The following LRP2 variants were observed in gnomAD, a reference collection of about 807,000 sequenced individuals.
LRP2 encodes LDL receptor related protein 2, also known as low-density lipoprotein receptor-related protein 2.
LRP2 carries 172 observed loss-of-function variants against 531.0 expected under a neutral mutation model. That is an observed-to-expected ratio of 0.32 (90% CI 0.29 to 0.37). The LOEUF (loss-of-function observed/expected upper bound fraction) is 0.37, where lower values mean the gene tolerates loss of function less well. Among genes scored for constraint, LRP2 ranks in the 10% least tolerant of loss-of-function variants. LRP2 has a pLI of 1.00. For missense variants in LRP2, 5,167 were observed against 5,868.3 expected, an observed-to-expected ratio of 0.88 and a Z score of 3.90; for synonymous variants, 1,992 against 2,027.6, an observed-to-expected ratio of 0.98 and a Z score of 0.47.
At position 169,138,632 on chromosome 2, in the gene LRP2, T is replaced by G. The variant is rs772528471; in HGVS notation, c.13463A>C (p.Asp4488Ala). The change falls in exon 75 of 79, where the codon GAT becomes GCT. Residue 4488 changes from aspartate to alanine, a missense_variant. Around this residue, in one of 6 missense-constraint regions of LRP2, gnomAD observed 348 missense variants for 369.3 expected, o/e 0.94. Coordinates refer to ENST00000649046, the MANE Select transcript of LRP2 (RefSeq NM_004525.3). ...AGGTCCAAAACCAGACACTCCAATA[T>G]CCATGTTAAGATCTGCCCCTGATCT... ...TFRSGADLNM[D>A]IGVSGFGPET... is the part of the protein sequence containing the mutation. The G allele has an allele frequency of 6.2e-7, 1 of 1,613,994 alleles. No homozygotes were observed. The highest frequency in any genetic ancestry group is 8.5e-7 in the Non-Finnish European group (1 of 1,179,930).
chr2:169,180,786 A>G (rs1368954069), intron 52 of LRP2, among the ~76,000 whole-genome samples: 2 of 152,252 alleles, frequency 1.3e-5, no homozygotes, highest in Non-Finnish European at 2.9e-5. Context: ...AGAAGACAAT[A>G]CTATGGTCCA....
intron 7 of LRP2, 101 bp from the exon 8 acceptor site, chr2:169,291,098 G>C: frequency 9.9e-7 from 1 of 1,014,558 alleles, no homozygotes; most frequent in Non-Finnish European, 1.5e-6. Flanking sequence ...TTGAACAAGA[G>C]AAATCTATAA....
rs140848100 is a variant in LRP2, at chr2:169,284,935, C to T, written c.1043-1934G>A. On this transcript the variant is annotated intron_variant, in intron 9 of 78. Coordinates refer to ENST00000649046, the MANE Select transcript of LRP2 (RefSeq NM_004525.3). ...AGTTCTGATGTCAAACAGAAGGAAACCAAAGGTGGAGAAGTCATAACTAGG... is the reference window on the plus strand; with the variant it reads ...AGTTCTGATGTCAAACAGAAGGAAATCAAAGGTGGAGAAGTCATAACTAGG... Among the ~76,000 whole-genome samples the T allele has an allele frequency of 5.9e-5, 9 of 152,260 alleles. No homozygotes were observed. The East Asian group carries it at 1.5e-3, about 26-fold the overall frequency.
At chr2:169,214,033 C>T (rs375634793) in intron 35 of LRP2, among the ~76,000 whole-genome samples, 163 bp from the exon 36 acceptor site, 14 of 152,232 alleles carry the variant, frequency 9.2e-5, no homozygotes, top group South Asian at 8.3e-4. Context: ...CACAACGACA[C>T]CAAGCAGCAG....
chr2:169,280,005 A>G (rs1263385814), intron 11 of LRP2, among the ~76,000 whole-genome samples: 1 of 152,224 alleles, frequency 6.6e-6, no homozygotes, highest in Non-Finnish European at 1.5e-5. Flanking sequence ...TATCATCCAG[A>G]AAAGCAGTGT....
Position 169,283,094 on chromosome 2 carries a change from T to C in LRP2, c.1043-93A>G, listed in dbSNP as rs573586329. The C allele has an allele frequency of 3.1e-5, 41 of 1,319,746 alleles. No individual in the cohort carries two copies. The South Asian group carries it at 4.5e-4, about 14-fold the overall frequency. 81.8% of individuals were successfully genotyped at this position (1,319,746 alleles called of 1,614,324 possible). ...ATCCTAGATAAGATGGCCAAGAATGTGGTGTTGCCCATGTCTAAATAAACA... is the reference window on the plus strand; with the variant it reads ...ATCCTAGATAAGATGGCCAAGAATGCGGTGTTGCCCATGTCTAAATAAACA... On this transcript the variant is annotated intron_variant, in intron 9 of 78. Transcript: ENST00000649046.
At chr2:169,148,351 T>A (rs1374198685) in intron 68 of LRP2, among the ~76,000 whole-genome samples, 2 of 115,554 alleles carry the variant, frequency 1.7e-5, no homozygotes, top group South Asian at 5.7e-4. Context: ...TGTAGGGTGA[T>A]GAAAATGCTT....
intron 1 of LRP2, among the ~76,000 whole-genome samples, chr2:169,358,254 G>A (rs830948): frequency 0.99 from 150,533 of 152,322 alleles, 74,405 homozygotes; most frequent in East Asian, 1. Flanking sequence ...TCTTAGCTCT[G>A]TCACAGGCTA....
intron 63 of LRP2, among the ~76,000 whole-genome samples, chr2:169,159,590 CAG>C (rs1311549611): frequency 6.6e-6 from 1 of 152,018 alleles, no homozygotes; most frequent in Non-Finnish European, 1.5e-5. Context: ...GAGCCATTTT[CAG>C]AGTTTTGTGT....
chr2:169,242,871 G>A, intron 24 of LRP2, 85 bp downstream of exon 24: 1 of 1,000,590 alleles, frequency 1.0e-6, no homozygotes, highest in South Asian at 1.3e-5. Context: ...CTGAGTTAGG[G>A]AAAATGTGTG....
chr2:169,306,031 T>C (rs565779660), intron 4 of LRP2, among the ~76,000 whole-genome samples: 1 of 152,210 alleles, frequency 6.6e-6, no homozygotes, highest in East Asian at 1.9e-4. Context: ...CAAAATTGCC[T>C]AATAATACAT....
intron 31 of LRP2, among the ~76,000 whole-genome samples, chr2:169,230,857 T>G (rs1689372042): frequency 6.6e-6 from 1 of 152,226 alleles, no homozygotes; most frequent in South Asian, 2.1e-4. Context: ...GAGATAAATA[T>G]TAAATTGCTC....
rs1304850557 is a variant in LRP2, at chr2:169,327,496, GC to G, written c.80-6613del. 1.5e-3 allele frequency among the ~76,000 whole-genome samples: 185 copies of G among 121,426 alleles called. 1 individual carries two copies. The highest frequency in any genetic ancestry group is 5.7e-3 in the African/African-American group (172 of 30,290). 79.7% of individuals were successfully genotyped at this position (121,426 alleles called of 152,430 possible). A position where few individuals can be genotyped will look rare whatever the true frequency, so the allele number is the denominator to read the frequency against. ...GTCTGGGAGGGAGGTGGGGGGGTCA[GC>G]CCCCCGCCCGGCCAGCCGCCCCGTC... On this transcript the variant is annotated intron_variant, in intron 1 of 78. Transcript: ENST00000649046.
At position 169,173,298 on chromosome 2, in the gene LRP2, G is replaced by A. The variant is rs768667400; in HGVS notation, c.11015-74C>T. On this transcript the variant is annotated intron_variant, in intron 56 of 78. Coordinates refer to ENST00000649046, the MANE Select transcript of LRP2 (RefSeq NM_004525.3). Reference sequence around the variant, plus strand: ...ACCTTTCCATTGTCACATTGAGGTTGTGGTACTGAGGAATAACAATGACCA... The same window carrying A: ...ACCTTTCCATTGTCACATTGAGGTTATGGTACTGAGGAATAACAATGACCA... 1.9e-6 allele frequency: 3 copies of A among 1,570,822 alleles called. No homozygotes were observed. In the African/African-American group the frequency reaches 4.0e-5, roughly 21 times the overall value.
rs764117365 is a variant in LRP2 at position 169,176,533 on chromosome 2, C to A, written c.10449G>T (p.Lys3483Asn). 9 of 1,614,198 alleles carry A rather than the reference C, an allele frequency of 5.6e-6. No individual in the cohort carries two copies. In the South Asian group the frequency reaches 9.9e-5, roughly 18 times the overall value. The change falls in exon 54 of 79, where the codon AAG (lysine) becomes AAT (asparagine). Residue 3483 changes from lysine (K) to asparagine (N), a missense_variant. By Grantham distance (94) the Lys-to-Asn change is moderately conservative (BLOSUM62 0). Around this residue, in one of 6 missense-constraint regions of LRP2, gnomAD observed 1,129 missense variants for 1,362.7 expected, o/e 0.83. Coordinates refer to ENST00000649046, the MANE Select transcript of LRP2 (RefSeq NM_004525.3). The part of the protein sequence containing the change: ...NGGCSHLCLI[K>N]PGGKGFTCEC... ...CGCAAGTGAACCCTTTTCCTCCTGG[C>A]TTGATGAGGCAGAGATGAGAACAGC...
At position 169,337,684 on chromosome 2, in the gene LRP2, A is replaced by G. The variant is rs191711175; in HGVS notation, c.80-16800T>C. On this transcript the variant is annotated intron_variant, in intron 1 of 78. Transcript: ENST00000649046. ...CCCTTATTCTACTATTTGTAACTCA[A>G]AGAACTCCTTCCACTGGAAACAAAA... Among the ~76,000 whole-genome samples the G allele has an allele frequency of 1.2e-3, 186 of 152,322 alleles. 1 individual carries two copies. Among genetic ancestry groups the G allele is most frequent in the Non-Finnish European group, 2.5e-4 (17 of 68,028 alleles).
intron 48 of LRP2, 139 bp from the exon 49 acceptor site, chr2:169,188,404 C>T: frequency 1.2e-6 from 1 of 801,692 alleles, no homozygotes; most frequent in Non-Finnish European, 2.1e-6. Flanking sequence ...TGTCCTTGAT[C>T]CCCTTTCCCC....
chr2:169,209,389 T>C lies in LRP2; in HGVS notation c.6469+64A>G, dbSNP rs1445503875. On this transcript the variant is annotated intron_variant, in intron 38 of 78. Coordinates refer to ENST00000649046, the MANE Select transcript of LRP2 (RefSeq NM_004525.3). ...TGTAGCACATGGAGTTAGGCTAAAC[T>C]TTCTAGCATAAAATAAGATGACAGA... The C allele has an allele frequency of 1.2e-5, 18 of 1,542,060 alleles. 1 individual carries two copies. Among genetic ancestry groups the C allele is most frequent in the Middle Eastern group, 3.5e-4 (2 of 5,794 alleles).
chr2:169,230,100 A>G (rs1689347382), intron 31 of LRP2, among the ~76,000 whole-genome samples: 1 of 152,238 alleles, frequency 6.6e-6, no homozygotes, highest in South Asian at 2.1e-4. Flanking sequence ...TTGTGAAACA[A>G]CAAAAGGCAC....
Sources: allele counts gnomAD v4.1 joint callset (sites outside exome capture counted in the v4.1 genomes callset), GRCh38; gene constraint gnomAD v4.1.1; regional missense constraint gnomAD v4.1.1; transcripts MANE v1.5; gene names NCBI Gene and HGNC (gene_info 2026-07-23, HGNC 2026-07-21).